CELF2: variants seen among roughly 807,000 people sequenced by gnomAD.
CELF2 encodes the protein CUG triplet repeat RNA-binding protein 2.
Under a neutral mutation model 62.6 loss-of-function variants are expected in CELF2, and 8 were observed. That is an observed-to-expected ratio of 0.13 (90% confidence interval 0.07 to 0.23). The LOEUF (loss-of-function observed/expected upper bound fraction) is 0.23, where lower values mean the gene tolerates loss of function less well. Ranked by LOEUF, CELF2 falls within the 10% of genes least tolerant of loss-of-function variation. CELF2 has a pLI of 1.00. For synonymous variants in CELF2, 258 were observed against 250.0 expected (o/e 1.03, Z -0.30); for missense variants, 333 against 671.0 (o/e 0.50, Z 5.56).
intron 2 of CELF2, among the ~76,000 whole-genome samples, chr10:10,961,870 T>C (rs1387326313): frequency 6.6e-6 from 1 of 152,146 alleles, no homozygotes; most frequent in African/African-American, 2.4e-5. Context: ...TTTCCTTCCC[T>C]CAGATCTTTT....
intron 1 of CELF2, among the ~76,000 whole-genome samples, chr10:11,053,030 G>C (rs2064267718): frequency 6.6e-6 from 1 of 151,714 alleles, no homozygotes; most frequent in South Asian, 2.1e-4. Flanking sequence ...TAATCTTGTA[G>C]TATTGGTTCA....
chr10:10,848,602 G>T (rs1373287155), intron 1 of CELF2, among the ~76,000 whole-genome samples: 1 of 152,172 alleles, frequency 6.6e-6, no homozygotes, highest in Non-Finnish European at 1.5e-5. Flanking sequence ...GCCCCTGGAA[G>T]GCTCTCATGG....
chr10:11,120,495 A>G (rs141952436), intron 1 of CELF2, among the ~76,000 whole-genome samples: 2 of 152,326 alleles, frequency 1.3e-5, no homozygotes, highest in African/African-American at 4.8e-5. Flanking sequence ...TGTTATTTAG[A>G]GACATGCCAA....
the CELF2 span, among the ~76,000 whole-genome samples, chr10:10,703,220 C>A: frequency 6.6e-6 from 1 of 152,160 alleles, no homozygotes; most frequent in African/African-American, 2.4e-5. Context: ...GTATTAATTT[C>A]TTTAGTTACA....
the CELF2 span, among the ~76,000 whole-genome samples, chr10:10,632,347 C>G: frequency 6.6e-6 from 1 of 152,108 alleles, no homozygotes; most frequent in Non-Finnish European, 1.5e-5. Flanking sequence ...ATTCCTTTGA[C>G]GTTCACAACT....
At chr10:10,891,567 C>T (rs117083831) in intron 1 of CELF2, among the ~76,000 whole-genome samples, 11 of 151,856 alleles carry the variant, frequency 7.2e-5, no homozygotes, top group African/African-American at 1.5e-4. Context: ...ATTTTTCAAA[C>T]GAACAAACTG....
intron 9 of CELF2, among the ~76,000 whole-genome samples, chr10:11,313,550 A>C (rs968508003): frequency 1.3e-5 from 2 of 152,276 alleles, no homozygotes; most frequent in Non-Finnish European, 2.9e-5. Context: ...TATCAGGGAA[A>C]TGTAATCACT....
chr10:11,326,050 G>A (rs772769791), intron 12 of CELF2, 71 bp downstream of exon 12: 2 of 1,474,024 alleles, frequency 1.4e-6, no homozygotes, highest in Non-Finnish European at 1.8e-6. Flanking sequence ...AGGAAAATGT[G>A]AGACAGTTTC....
At chr10:11,005,283 A>AGAGAGAGAGAGG, upstream of CELF2, 2 of 1,576,016 alleles carry the variant, frequency 1.3e-6, no homozygotes, top group Non-Finnish European at 1.7e-6. The surrounding 1 kb of genome is among the most constrained non-coding windows in gnomAD (Gnocchi z 4.3). Context: ...AGAGAGAGAG[A>AGAGAGAGAGAGG]GAGAGAGAGA....
At chr10:10,608,075 C>T in the CELF2 span, among the ~76,000 whole-genome samples, 2 of 152,156 alleles carry the variant, frequency 1.3e-5, no homozygotes, top group Non-Finnish European at 2.9e-5. Context: ...TTGCAGTGAG[C>T]TGAAATAGCG....
At chr10:10,933,410 G>T (rs1277541220) in intron 2 of CELF2, among the ~76,000 whole-genome samples, 2 of 152,162 alleles carry the variant, frequency 1.3e-5, no homozygotes, top group Non-Finnish European at 2.9e-5. Flanking sequence ...TAGCATATCT[G>T]TCATCTCATA....
upstream of CELF2, among the ~76,000 whole-genome samples, chr10:11,016,755 A>G (rs1164213709): frequency 2.1e-4 from 32 of 152,216 alleles, no homozygotes; most frequent in Admixed American, 2.1e-3. This position sits in a 1 kb window ranked among gnomAD's most constrained non-coding sequence, Gnocchi z 5.2. Context: ...TAGAAAGACA[A>G]AGACTGAAAA....
chr10:10,802,688 T>C (rs1275300255), intron 1 of CELF2, among the ~76,000 whole-genome samples: 1 of 152,098 alleles, frequency 6.6e-6, no homozygotes, highest in Non-Finnish European at 1.5e-5. Flanking sequence ...ACTCTCCCAT[T>C]TAGAGACAAG....
chr10:10,840,393 A>C (rs2058600588), intron 1 of CELF2, among the ~76,000 whole-genome samples: 1 of 152,138 alleles, frequency 6.6e-6, no homozygotes, highest in Non-Finnish European at 1.5e-5. Flanking sequence ...TTTTTAATTT[A>C]AGTCGTTCTA....
chr10:10,831,865 A>G (rs946291447), intron 1 of CELF2, among the ~76,000 whole-genome samples: 7 of 152,170 alleles, frequency 4.6e-5, no homozygotes, highest in Non-Finnish European at 8.8e-5. Flanking sequence ...CCAGCTACTC[A>G]GGAGGCTGAG....
the CELF2 span, among the ~76,000 whole-genome samples, chr10:10,516,543 C>G: frequency 6.6e-6 from 1 of 152,110 alleles, no homozygotes; most frequent in African/African-American, 2.4e-5. Context: ...TTCGGCAGCA[C>G]AGATAAACTG....
chr10:10,940,789 T>A (rs1004127353), intron 2 of CELF2, among the ~76,000 whole-genome samples: 3 of 152,116 alleles, frequency 2.0e-5, no homozygotes, highest in African/African-American at 7.2e-5. Flanking sequence ...GCATGAAGGG[T>A]AGGGAGAAGA....
the CELF2 span, among the ~76,000 whole-genome samples, chr10:10,600,136 T>C: frequency 4.6e-5 from 7 of 152,302 alleles, no homozygotes; most frequent in East Asian, 9.6e-4. Context: ...AATGAACACT[T>C]ACAACTCTGT....
chr10:10,880,159 C>T (rs1295769015), intron 1 of CELF2, among the ~76,000 whole-genome samples: 4 of 152,104 alleles, frequency 2.6e-5, no homozygotes, highest in African/African-American at 9.7e-5. Context: ...AGAAACAGCA[C>T]AAGAGGAGAC....
Sources: gnomAD v4.1 joint callset for allele counts (sites outside exome capture counted in the v4.1 genomes callset) on GRCh38, gnomAD v4.1.1 for gene constraint, Gnocchi (gnomAD v3.1) non-coding constraint, MANE v1.5 for transcripts, NCBI Gene and HGNC (gene_info 2026-07-23, HGNC 2026-07-21) for gene names.